The following FOXK1 variants were observed in gnomAD, a reference collection of about 807,000 sequenced individuals.
The protein encoded by FOXK1 is forkhead box K1, also known as forkhead box protein K1.
In FOXK1, 19 loss-of-function variants were observed where a neutral mutation model predicts 51.9. The ratio of observed to expected loss-of-function variants is 0.37; its 90% CI spans 0.26 to 0.54. The LOEUF is 0.54. Among genes scored for constraint, FOXK1 ranks in the 20% least tolerant of loss-of-function variants. The pLI is 0.87. For missense variants in FOXK1, 870 were observed against 1,032.7 expected, an observed-to-expected ratio of 0.84 and a Z score of 2.16; for synonymous variants, 537 against 482.6, an observed-to-expected ratio of 1.11 and a Z score of -1.48.
intron 2 of FOXK1, among the ~76,000 whole-genome samples, chr7:4,744,758 A>G (rs1456716134): frequency 1.3e-5 from 2 of 152,254 alleles, no homozygotes; most frequent in African/African-American, 2.4e-5. Flanking sequence ...GGAGCCAGGA[A>G]GGTGGGGGGC....
Position 4,762,352 on chromosome 7 carries a change from C to G in FOXK1, c.2090C>G (p.Thr697Ser). ...ATTASASASSTGEPEVKRSRV... is the reference protein window; with the variant it reads ...ATTASASASSSGEPEVKRSRV... ...ACCGCCTCTGCCTCCGCCTCTTCCACTGGAGAGCCCGAGGTCAAAAGGTCC... is the reference window on the plus strand; with the variant it reads ...ACCGCCTCTGCCTCCGCCTCTTCCAGTGGAGAGCCCGAGGTCAAAAGGTCC... Residue 697 changes from threonine to serine, a missense_variant, in exon 9 of 9, where the codon ACT becomes AGT. By Grantham distance (58) the Thr-to-Ser change is moderately conservative. This residue lies in a region of FOXK1 where 457 missense variants were observed against 510.8 expected (regional missense o/e 0.89). Coordinates refer to ENST00000328914, the MANE Select transcript of FOXK1 (RefSeq NM_001037165.2). The surrounding 1 kb of genome is among the most constrained non-coding windows in gnomAD (Gnocchi z 5.7). The G allele has an allele frequency of 6.4e-7, 1 of 1,550,812 alleles. No individual in the cohort carries two copies. Among genetic ancestry groups the G allele is most frequent in the Non-Finnish European group, 8.7e-7 (1 of 1,146,930 alleles).
At position 4,738,431 on chromosome 7, in the gene FOXK1, C is replaced by T. The variant is rs1181906564; in HGVS notation, c.561-2407C>T. ...CAGCCCGGATGACAGAGCAAGACTCCGTCTCAAAAAAAAAAAAAAGAAAAA... is the reference window on the plus strand; with the variant it reads ...CAGCCCGGATGACAGAGCAAGACTCTGTCTCAAAAAAAAAAAAAAGAAAAA... On this transcript the variant is annotated intron_variant, in intron 1 of 8. Coordinates refer to ENST00000328914, the MANE Select transcript of FOXK1 (RefSeq NM_001037165.2). 4.1e-5 allele frequency among the ~76,000 whole-genome samples: 6 copies of T among 147,408 alleles called. No individual in the cohort carries two copies. In the East Asian group the frequency reaches 1.2e-3, roughly 29 times the overall value.
At position 4,722,606 on chromosome 7, in the gene FOXK1, G is replaced by A. The variant is rs981031608; in HGVS notation, c.561-18232G>A. ...TCGTATACAACGGGCACACATGCAC[G>A]TCAGCCGCACACTCATGCACGTTCA... On this transcript the variant is annotated intron_variant, in intron 1 of 8. Coordinates refer to ENST00000328914, the MANE Select transcript of FOXK1 (RefSeq NM_001037165.2). The surrounding 1 kb of genome is among the most constrained non-coding windows in gnomAD (Gnocchi z 5.1). 4.6e-5 allele frequency among the ~76,000 whole-genome samples: 7 copies of A among 152,368 alleles called. No homozygotes were observed. Among genetic ancestry groups the A allele is most frequent in the Admixed American group, 1.3e-4 (2 of 15,306 alleles).
At chr7:4,706,400 A>T (rs1780103091) in intron 1 of FOXK1, among the ~76,000 whole-genome samples, 1 of 152,170 alleles carries the variant, frequency 6.6e-6, no homozygotes, top group Admixed American at 6.5e-5. Flanking sequence ...CCTTCCCTCC[A>T]GCTAAACAGC....
At chr7:4,702,345 TTTA>T (rs1010284771) in intron 1 of FOXK1, among the ~76,000 whole-genome samples, 8 of 151,976 alleles carry the variant, frequency 5.3e-5, no homozygotes, top group Non-Finnish European at 8.8e-5. Context: ...GGTTTTTTTA[TTTA>T]TTTATTTTTT....
In FOXK1 at chr7:4,754,525, C is replaced by T. The variant is rs752316024; in HGVS notation, c.813C>T (p.Asn271=). Reference sequence around the variant, plus strand: ...CCTCCAGTTACCGCTTTGTGCAGAACGTGACCTCGGACCTGCAGCTGGCAG... The same window carrying T: ...CCTCCAGTTACCGCTTTGTGCAGAATGTGACCTCGGACCTGCAGCTGGCAG... The part of the protein sequence containing the change: ...AGSSSYRFVQ[N]VTSDLQLAAE... Residue 271 remains asparagine (N), a synonymous_variant, in exon 3 of 9, where the codon AAC becomes AAT. Coordinates refer to ENST00000328914, the MANE Select transcript of FOXK1 (RefSeq NM_001037165.2). 4.3e-6 allele frequency: 7 copies of T among 1,612,482 alleles called. No individual in the cohort carries two copies. Among genetic ancestry groups the T allele is most frequent in the Middle Eastern group, 1.6e-4 (1 of 6,084 alleles).
rs180735309 is a variant in FOXK1 at position 4,768,023 on chromosome 7, G to A, written c.*5559G>A. 3.3e-5 allele frequency: 5 copies of A among 150,262 alleles called. No homozygotes were observed. The East Asian group carries it at 9.9e-4, about 30-fold the overall frequency. 9.3% of individuals were successfully genotyped at this position (150,262 alleles called of 1,614,324 possible). On this transcript the variant is annotated 3_prime_UTR_variant, in exon 9 of 9. Transcript: ENST00000328914. ...CTGTCCTCCCTGTCACCCAAACCCC[G>A]AAGTCACAGCTGCTTAGAAGAATGG... is the stretch of plus-strand genomic sequence containing the variant.
intron 1 of FOXK1, among the ~76,000 whole-genome samples, chr7:4,705,552 T>TCTCTCTCTCTCTCTCTCTCTCG (rs1780076728): frequency 7.0e-6 from 1 of 143,582 alleles, no homozygotes; most frequent in African/African-American, 2.7e-5. Context: ...TCTCTCTCTC[T>TCTCTCTCTCTCTCTCTCTCTCG]CTCTCTCGCT....
chr7:4,684,695 G>T (rs1226770495), intron 1 of FOXK1, among the ~76,000 whole-genome samples: 1 of 152,086 alleles, frequency 6.6e-6, no homozygotes. Context: ...CTTTACAGAC[G>T]CACCTTTATA....
At chr7:4,724,638 C>A (rs1583196733) in intron 1 of FOXK1, among the ~76,000 whole-genome samples, 1 of 152,376 alleles carries the variant, frequency 6.6e-6, no homozygotes, top group East Asian at 1.9e-4. Context: ...GGCCCCCATC[C>A]TAGACTGTGG....
chr7:4,701,430 T>C (rs1358765291), intron 1 of FOXK1, among the ~76,000 whole-genome samples: 1 of 152,184 alleles, frequency 6.6e-6, no homozygotes, highest in Non-Finnish European at 1.5e-5. Flanking sequence ...TAAGGTATTT[T>C]TTTAAATGTG....
chr7:4,728,714 G>C (rs1322467423), intron 1 of FOXK1, among the ~76,000 whole-genome samples: 1 of 113,726 alleles, frequency 8.8e-6, no homozygotes, highest in Non-Finnish European at 1.7e-5. Flanking sequence ...AACATAGTGA[G>C]ACCACGTCTC....
At chr7:4,697,822 T>C (rs893006208) in intron 1 of FOXK1, among the ~76,000 whole-genome samples, 2 of 151,612 alleles carry the variant, frequency 1.3e-5, no homozygotes, top group Non-Finnish European at 2.9e-5. Context: ...GTAACTAATT[T>C]TTTTTTCTTT....
Position 4,755,904 on chromosome 7 carries a change from C to A in FOXK1, c.1050+521C>A, listed in dbSNP as rs1780845198. On this transcript the variant is annotated intron_variant, in intron 4 of 8. Coordinates refer to ENST00000328914, the MANE Select transcript of FOXK1 (RefSeq NM_001037165.2). The surrounding 1 kb of genome is among the most constrained non-coding windows in gnomAD (Gnocchi z 6.6). ...CCCCAGAACTGAGAAGATGGATCTACACCTTGTTAGATTTTTGTGCTTGCT... is the reference window on the plus strand; with the variant it reads ...CCCCAGAACTGAGAAGATGGATCTAAACCTTGTTAGATTTTTGTGCTTGCT... Among the ~76,000 whole-genome samples the A allele has an allele frequency of 6.6e-6, 1 of 152,176 alleles. No individual in the cohort carries two copies. The highest frequency in any genetic ancestry group is 2.4e-5 in the African/African-American group (1 of 41,434).
At chr7:4,710,893 C>T (rs868064987) in intron 1 of FOXK1, among the ~76,000 whole-genome samples, 4 of 152,160 alleles carry the variant, frequency 2.6e-5, no homozygotes, top group Admixed American at 6.5e-5. Flanking sequence ...CTTGTTGTGA[C>T]TCTTGTTCCT....
chr7:4,726,979 C>G (rs1288811520), intron 1 of FOXK1, among the ~76,000 whole-genome samples: 1 of 152,048 alleles, frequency 6.6e-6, no homozygotes, highest in Non-Finnish European at 1.5e-5. Context: ...GGGTCTTGCT[C>G]TGTCACCCAG....
At chr7:4,720,210 A>G (rs1003218954) in intron 1 of FOXK1, among the ~76,000 whole-genome samples, 3 of 152,112 alleles carry the variant, frequency 2.0e-5, no homozygotes, top group African/African-American at 7.2e-5. Flanking sequence ...GGGCTCACTC[A>G]TCTTCAGTCT....
chr7:4,741,453 C>T lies in FOXK1; in HGVS notation c.746+430C>T, dbSNP rs773017301. Among the ~76,000 whole-genome samples the T allele has an allele frequency of 7.3e-4, 111 of 152,184 alleles. 2 individuals are homozygous for T. Among genetic ancestry groups the T allele is most frequent in the Middle Eastern group, 6.8e-3 (2 of 294 alleles). The stretch of plus-strand genomic sequence containing the variant: ...AAGGGATTCTCTTGCCTCAGCCTCC[C>T]GAGTAGCTGGGATGACAGGCGCCTG... On this transcript the variant is annotated intron_variant, in intron 2 of 8. Transcript: ENST00000328914.
intron 1 of FOXK1, among the ~76,000 whole-genome samples, chr7:4,719,821 A>G (rs1231687351): frequency 1.3e-5 from 2 of 152,120 alleles, no homozygotes; most frequent in Non-Finnish European, 2.9e-5. Flanking sequence ...TACCATCTGC[A>G]GAGCCTCTTC....
Sources: allele counts gnomAD v4.1 joint callset (sites outside exome capture counted in the v4.1 genomes callset), GRCh38; gene constraint gnomAD v4.1.1; regional missense constraint gnomAD v4.1.1; non-coding constraint Gnocchi (gnomAD v3.1); transcripts MANE v1.5; gene names NCBI Gene and HGNC (gene_info 2026-07-23, HGNC 2026-07-21).